Variants in XPNPEP3 observed in about 807,000 individuals in gnomAD.
XPNPEP3 encodes the protein xaa-Pro aminopeptidase 3.
In XPNPEP3, 41 loss-of-function variants were observed where a neutral mutation model predicts 60.0. The ratio of observed to expected loss-of-function variants is 0.68; its 90% CI spans 0.53 to 0.89. The LOEUF (loss-of-function observed/expected upper bound fraction) is 0.89. Among genes scored for constraint, XPNPEP3 ranks in the 40% least tolerant of loss-of-function variants. The pLI is 0.00. For synonymous variants in XPNPEP3, 212 were observed against 223.2 expected (o/e 0.95, Z 0.45); for missense variants, 598 against 638.9 (o/e 0.94, Z 0.69).
At chr22:40,925,371 A>G (rs1007258144) in intron 9 of XPNPEP3, among the ~76,000 whole-genome samples, 18 of 152,212 alleles carry the variant, frequency 1.2e-4, no homozygotes, top group African/African-American at 4.3e-4. Flanking sequence ...TTTTGTTTTG[A>G]AAACAGATCT....
intron 4 of XPNPEP3, among the ~76,000 whole-genome samples, chr22:40,893,064 A>G (rs146275716): frequency 0.029 from 4,264 of 148,478 alleles, 94 homozygotes; most frequent in Non-Finnish European, 0.042. Flanking sequence ...AACTGGCTAA[A>G]TTTGAAATAT....
chr22:40,857,514 G>A (rs943008702), intron 1 of XPNPEP3, among the ~76,000 whole-genome samples: 1 of 152,208 alleles, frequency 6.6e-6, no homozygotes, highest in Non-Finnish European at 1.5e-5. Context: ...CAAGTTACTC[G>A]GACTCCGAAG....
At chr22:40,908,929 T>C (rs1313250767) in intron 5 of XPNPEP3, among the ~76,000 whole-genome samples, 193 bp from the exon 6 acceptor site, 1 of 152,138 alleles carries the variant, frequency 6.6e-6, no homozygotes, top group African/African-American at 2.4e-5. Context: ...TTACATAGAT[T>C]ATAGTACACG....
chr22:40,861,437 A>G, intron 1 of XPNPEP3: 1 of 1,613,852 alleles, frequency 6.2e-7, no homozygotes, highest in Non-Finnish European at 8.5e-7. Flanking sequence ...AAGTTGTAAC[A>G]GATATGTAGT....
chr22:40,889,770 A>T (rs987762444), intron 4 of XPNPEP3, among the ~76,000 whole-genome samples: 2 of 152,210 alleles, frequency 1.3e-5, no homozygotes, highest in African/African-American at 4.8e-5. Context: ...TTAAGGTTAC[A>T]GTGAAGTATT....
In XPNPEP3 at chr22:40,922,458, A is replaced by G. The variant is rs974223932; in HGVS notation, c.1181A>G (p.Gln394Arg). 1.9e-6 allele frequency: 3 copies of G among 1,613,956 alleles called. No individual in the cohort carries two copies. In the African/African-American group the frequency reaches 4.0e-5, roughly 22 times the overall value. The change falls in exon 8 of 10, where the codon CAG (glutamine) becomes CGG (arginine). Residue 394 changes from glutamine (Q) to arginine (R), a missense_variant. Transcript: ENST00000357137. The part of the protein sequence containing the change: ...IYSMMLTLIG[Q>R]KLKDLGIMKN... ...AGCATGATGCTGACCCTGATAGGAC[A>G]GAAGCTTAAAGACTTGGGGATCATG...
chr22:40,916,260 C>G (rs1446208668), intron 7 of XPNPEP3, among the ~76,000 whole-genome samples: 1 of 151,422 alleles, frequency 6.6e-6, no homozygotes, highest in Non-Finnish European at 1.5e-5. Context: ...CCACTGCACT[C>G]CAGCTTGGGC....
chr22:40,892,012 A>G (rs954858733), intron 4 of XPNPEP3, among the ~76,000 whole-genome samples: 1 of 152,092 alleles, frequency 6.6e-6, no homozygotes, highest in Non-Finnish European at 1.5e-5. Flanking sequence ...TTAACATGCA[A>G]GCTTATTCCT....
At chr22:40,868,770 C>T (rs1354515973) in intron 1 of XPNPEP3, among the ~76,000 whole-genome samples, 2 of 151,890 alleles carry the variant, frequency 1.3e-5, no homozygotes, top group Non-Finnish European at 2.9e-5. Flanking sequence ...TCACTTGAAC[C>T]CAGGAGGTGG....
At chr22:40,866,154 C>G (rs1241560803) in intron 1 of XPNPEP3, among the ~76,000 whole-genome samples, 1 of 151,646 alleles carries the variant, frequency 6.6e-6, no homozygotes, top group Admixed American at 6.6e-5. Flanking sequence ...CCTCTTTTTT[C>G]TTTATTTCTT....
chr22:40,896,236 A>G (rs778223140), intron 4 of XPNPEP3, among the ~76,000 whole-genome samples: 3 of 152,118 alleles, frequency 2.0e-5, no homozygotes, highest in Non-Finnish European at 2.9e-5. Context: ...GGGTTTCACC[A>G]TGTTGGCCGT....
At chr22:40,869,557 T>C (rs1445323032) in intron 2 of XPNPEP3, among the ~76,000 whole-genome samples, 1 of 152,218 alleles carries the variant, frequency 6.6e-6, no homozygotes, top group Non-Finnish European at 1.5e-5. Context: ...ATATTTACTT[T>C]AAAATTATAA....
rs1463861502 is a variant in XPNPEP3, at chr22:40,861,352, C to T, written c.64+4107C>T. 5 of 1,614,010 alleles carry T rather than the reference C, an allele frequency of 3.1e-6. No homozygotes were observed. The African/African-American group carries it at 4.0e-5, about 13-fold the overall frequency. ...AGAAAAAATGTCAACTCTCCATTAT[C>T]TTCAGCTTCTCTTTCTTGATCACTT... is the stretch of plus-strand genomic sequence containing the variant. On this transcript the variant is annotated intron_variant, in intron 1 of 9. Coordinates refer to ENST00000357137, the MANE Select transcript of XPNPEP3 (RefSeq NM_022098.4).
chr22:40,895,923 G>T (rs1383412645), intron 4 of XPNPEP3, among the ~76,000 whole-genome samples: 1 of 152,106 alleles, frequency 6.6e-6, no homozygotes, highest in East Asian at 1.9e-4. Context: ...TCACACATTT[G>T]TGAAAGGTCT....
intron 4 of XPNPEP3, among the ~76,000 whole-genome samples, chr22:40,900,270 C>G (rs1469252004): frequency 1.4e-5 from 2 of 147,332 alleles, no homozygotes; most frequent in African/African-American, 5.0e-5. Flanking sequence ...TTCTCTACAT[C>G]AAAGGGTACT....
chr22:40,909,432 A>G (rs995319675), intron 6 of XPNPEP3, among the ~76,000 whole-genome samples, 197 bp downstream of exon 6: 1 of 152,198 alleles, frequency 6.6e-6, no homozygotes, highest in Non-Finnish European at 1.5e-5. Context: ...AATTATTAAC[A>G]TGCCTCTTTA....
chr22:40,915,754 T>G (rs1811971847), intron 7 of XPNPEP3, among the ~76,000 whole-genome samples: 1 of 152,134 alleles, frequency 6.6e-6, no homozygotes, highest in South Asian at 2.1e-4. Context: ...GTGGAAACTC[T>G]GAGCCCCAAA....
chr22:40,871,558 G>A (rs1262052925), intron 2 of XPNPEP3, among the ~76,000 whole-genome samples: 4 of 152,062 alleles, frequency 2.6e-5, no homozygotes, highest in Non-Finnish European at 4.4e-5. Context: ...AGAGAATACA[G>A]GTAAGCATAG....
Position 40,924,407 on chromosome 22 carries a change from A to G in XPNPEP3, c.1282A>G (p.Met428Val), listed in dbSNP as rs1344443797. The change falls in exon 9 of 10, where the codon ATG (methionine) becomes GTG (valine). Residue 428 changes from methionine (M) to valine (V), a missense_variant. Met to Val is a conservative substitution (Grantham distance 21). Coordinates refer to ENST00000357137, the MANE Select transcript of XPNPEP3 (RefSeq NM_022098.4). ...TCATCATGTTGGCCACTACCTCGGG[A>G]TGGATGTCCATGACACTCCAGACAT... ...CPHHVGHYLG[M>V]DVHDTPDMPR... The G allele has an allele frequency of 7.4e-6, 12 of 1,614,102 alleles. No homozygotes were observed. Among genetic ancestry groups the G allele is most frequent in the Non-Finnish European group, 9.3e-6 (11 of 1,180,022 alleles).
Sources: gnomAD v4.1 joint callset for allele counts (sites outside exome capture counted in the v4.1 genomes callset) on GRCh38, gnomAD v4.1.1 for gene constraint, MANE v1.5 for transcripts, NCBI Gene and HGNC (gene_info 2026-07-23, HGNC 2026-07-21) for gene names.